The following DERA variants were observed in gnomAD, a reference collection of about 807,000 sequenced individuals.
DERA encodes the protein deoxyribose-phosphate aldolase, also known as 2-deoxy-D-ribose 5-phosphate aldolase.
Under a neutral mutation model 41.1 loss-of-function variants are expected in DERA, and 15 were observed. The ratio of observed to expected loss-of-function variants is 0.37; its 90% CI spans 0.24 to 0.56. DERA has a LOEUF of 0.56. Ranked by LOEUF, DERA falls within the 20% of genes least tolerant of loss-of-function variation. The pLI, the probability that DERA is intolerant of heterozygous loss-of-function variation, is 0.81. For missense variants in DERA, 396 were observed against 403.4 expected (o/e 0.98, Z 0.16); for synonymous variants, 139 against 137.4 (o/e 1.01, Z -0.08).
chr12:15,945,677 T>G (rs927131582), intron 1 of DERA, among the ~76,000 whole-genome samples: 5 of 152,130 alleles, frequency 3.3e-5, no homozygotes, highest in Non-Finnish European at 7.4e-5. Flanking sequence ...TGCAAACAGG[T>G]ACAATTTGAC....
chr12:16,027,102 A>G (rs1331394942), intron 6 of DERA, among the ~76,000 whole-genome samples: 1 of 152,192 alleles, frequency 6.6e-6, no homozygotes, highest in Non-Finnish European at 1.5e-5. Flanking sequence ...CCCATTTATA[A>G]GAAAGCCTCG....
rs941740941 is a variant in DERA, at chr12:15,954,481, C to T, written c.32-2455C>T. Among the ~76,000 whole-genome samples the T allele has an allele frequency of 1.3e-5, 2 of 152,130 alleles. No individual in the cohort carries two copies. Among genetic ancestry groups the T allele is most frequent in the Non-Finnish European group, 2.9e-5 (2 of 68,034 alleles). ...CTCCCAGAGAAGGTGACATTTGAAT[C>T]GACTCTTAAAGGATGAGCAGCAGTT... On this transcript the variant is annotated intron_variant, in intron 1 of 8. Coordinates refer to ENST00000428559, the MANE Select transcript of DERA (RefSeq NM_015954.4). The surrounding 1 kb of genome is among the most constrained non-coding windows in gnomAD (Gnocchi z 4.0).
At position 15,957,348 on chromosome 12, in the gene DERA, T is replaced by A. The variant is rs2136146758; in HGVS notation, c.129+315T>A. On this transcript the variant is annotated intron_variant, in intron 2 of 8. Transcript: ENST00000428559. This position sits in a 1 kb window ranked among gnomAD's most constrained non-coding sequence, Gnocchi z 4.8. ...AGTTTTTTAGACATGCCTTCTTTGG[T>A]TGTCTTCTGTTTTAATTTTAAAGCC... Among the ~76,000 whole-genome samples, 1 of 152,366 alleles carries A rather than the reference T, an allele frequency of 6.6e-6. No homozygotes were observed. The highest frequency in any genetic ancestry group is 1.5e-5 in the Non-Finnish European group (1 of 68,034).
intron 1 of DERA, among the ~76,000 whole-genome samples, chr12:15,912,672 G>C (rs1948173134): frequency 6.6e-6 from 1 of 152,124 alleles, no homozygotes; most frequent in African/African-American, 2.4e-5. Context: ...AGTATAGATA[G>C]TATTAGTATA....
At chr12:15,956,227 T>C (rs1948537304) in intron 1 of DERA, among the ~76,000 whole-genome samples, 1 of 152,192 alleles carries the variant, frequency 6.6e-6, no homozygotes, top group Non-Finnish European at 1.5e-5. Flanking sequence ...ACAGCTAATA[T>C]TTAGACTAGG....
rs922758405 is a variant in DERA, at chr12:15,962,975, T to G, written c.508+28T>G. 8.2e-6 allele frequency: 13 copies of G among 1,594,486 alleles called. No homozygotes were observed. In the African/African-American group the frequency reaches 1.3e-4, roughly 16 times the overall value. On this transcript the variant is annotated intron_variant, in intron 5 of 8. Coordinates refer to ENST00000428559, the MANE Select transcript of DERA (RefSeq NM_015954.4). The stretch of plus-strand genomic sequence containing the variant: ...AGGTGCATGCTTTTACCTAAGAGAG[T>G]TTCACCATTCTTCCCTGGTGAATCA...
intron 1 of DERA, among the ~76,000 whole-genome samples, chr12:15,933,016 C>T (rs1293623940): frequency 6.6e-6 from 1 of 152,154 alleles, no homozygotes; most frequent in Non-Finnish European, 1.5e-5. Context: ...TTTTTCAAGG[C>T]TGAATAGTAT....
At position 15,959,713 on chromosome 12, in the gene DERA, G is replaced by A. The variant is rs962915862; in HGVS notation, c.278-116G>A. 19 of 619,356 alleles carry A rather than the reference G, an allele frequency of 3.1e-5. No individual in the cohort carries two copies. The South Asian group carries it at 4.0e-4, about 13-fold the overall frequency. The allele number at this position is 619,356 out of a possible 1,614,324, so 38.4% of individuals were successfully genotyped here. ...TTTAATTTATTGCAGTATTGTGGGG[G>A]AATTATTTTTTTCTCATTTGATTTT... On this transcript the variant is annotated intron_variant, in intron 3 of 8. Transcript: ENST00000428559. This position sits in a 1 kb window ranked among gnomAD's most constrained non-coding sequence, Gnocchi z 4.5.
At chr12:16,027,303 G>A (rs1379212718) in intron 6 of DERA, among the ~76,000 whole-genome samples, 1 of 152,190 alleles carries the variant, frequency 6.6e-6, no homozygotes, top group Non-Finnish European at 1.5e-5. Flanking sequence ...ACAAGGAAAG[G>A]AAATAAAATG....
Position 15,959,572 on chromosome 12 carries a change from A to C in DERA, c.278-257A>C, listed in dbSNP as rs1172973320. Among the ~76,000 whole-genome samples, 3 of 152,222 alleles carry C rather than the reference A, an allele frequency of 2.0e-5. No individual in the cohort carries two copies. The highest frequency in any genetic ancestry group is 7.2e-5 in the African/African-American group (3 of 41,458). On this transcript the variant is annotated intron_variant, in intron 3 of 8. Transcript: ENST00000428559. This position sits in a 1 kb window ranked among gnomAD's most constrained non-coding sequence, Gnocchi z 4.5. Reference sequence around the variant, plus strand: ...ATTTACTATTTAGACATTTTTAAAAAACAGTACTATGTTAATCTCAAAGAT... The same window carrying C: ...ATTTACTATTTAGACATTTTTAAAACACAGTACTATGTTAATCTCAAAGAT...
intron 1 of DERA, among the ~76,000 whole-genome samples, chr12:15,952,492 G>A (rs748659024): frequency 3.7e-4 from 57 of 152,162 alleles, no homozygotes; most frequent in Admixed American, 2.0e-3. Context: ...GAAACATAAT[G>A]TGAGACATGG....
chr12:15,926,216 G>C (rs1250197901), intron 1 of DERA, among the ~76,000 whole-genome samples: 2 of 151,390 alleles, frequency 1.3e-5, no homozygotes, highest in Non-Finnish European at 2.9e-5. Context: ...TTTTCAAGAT[G>C]AAGTCTTGCT....
At position 16,009,895 on chromosome 12, in the gene DERA, G is replaced by A. The variant is rs1390383424; in HGVS notation, c.638-22647G>A. ...GTAGGTAAAAACCCTAACTTTGGCA[G>A]TATACATGTTAAGAAACTATTTATA... On this transcript the variant is annotated intron_variant, in intron 6 of 8. Transcript: ENST00000428559. The surrounding 1 kb of genome is among the most constrained non-coding windows in gnomAD (Gnocchi z 5.3). Among the ~76,000 whole-genome samples the A allele has an allele frequency of 1.3e-5, 2 of 152,166 alleles. No homozygotes were observed. Among genetic ancestry groups the A allele is most frequent in the Non-Finnish European group, 2.9e-5 (2 of 68,026 alleles).
intron 6 of DERA, among the ~76,000 whole-genome samples, chr12:16,030,013 C>G (rs1949081317): frequency 1.3e-5 from 2 of 148,814 alleles, no homozygotes; most frequent in Admixed American, 6.8e-5. Flanking sequence ...ACCTCCACCT[C>G]CCAGGTTCAA....
chr12:15,963,035 C>T, intron 5 of DERA, 88 bp downstream of exon 5: 1 of 1,491,736 alleles, frequency 6.7e-7, no homozygotes, highest in Non-Finnish European at 9.0e-7. Flanking sequence ...TTTTAGAGGT[C>T]ACTGTTCTAG....
At chr12:16,006,041 A>T (rs1008262478) in intron 6 of DERA, among the ~76,000 whole-genome samples, 5 of 152,236 alleles carry the variant, frequency 3.3e-5, no homozygotes, top group African/African-American at 1.2e-4. Context: ...TAAGCCTATT[A>T]AAAGTTAAGT....
chr12:15,936,427 T>C lies in DERA; in HGVS notation c.32-20509T>C, dbSNP rs578124854. On this transcript the variant is annotated intron_variant, in intron 1 of 8. Coordinates refer to ENST00000428559, the MANE Select transcript of DERA (RefSeq NM_015954.4). The surrounding 1 kb of genome is among the most constrained non-coding windows in gnomAD (Gnocchi z 4.6). Reference sequence around the variant, plus strand: ...TTTTTTCTGCAATATCTTAAAATTATAGACATTTTGGAAAACATTTTACTA... The same window carrying C: ...TTTTTTCTGCAATATCTTAAAATTACAGACATTTTGGAAAACATTTTACTA... Among the ~76,000 whole-genome samples the C allele has an allele frequency of 6.6e-6, 1 of 152,382 alleles. No homozygotes were observed. The highest frequency in any genetic ancestry group is 2.4e-5 in the African/African-American group (1 of 41,592).
In DERA at chr12:16,011,484, A is replaced by G. The variant is rs543142861; in HGVS notation, c.638-21058A>G. ...TGAGTATTGTATCAACGGAGTTTCG[A>G]TTTTGGAGCATTTCAGACGTTCAGA... On this transcript the variant is annotated intron_variant, in intron 6 of 8. Transcript: ENST00000428559. The surrounding 1 kb of genome is among the most constrained non-coding windows in gnomAD (Gnocchi z 4.7). 8.5e-5 allele frequency among the ~76,000 whole-genome samples: 13 copies of G among 152,236 alleles called. No individual in the cohort carries two copies. Among genetic ancestry groups the G allele is most frequent in the Admixed American group, 5.2e-4 (8 of 15,286 alleles).
At position 15,993,364 on chromosome 12, in the gene DERA, A is replaced by G. The variant is rs955899066; in HGVS notation, c.637+10928A>G. Among the ~76,000 whole-genome samples the G allele has an allele frequency of 1.3e-5, 2 of 151,930 alleles. No individual in the cohort carries two copies. The highest frequency in any genetic ancestry group is 2.9e-5 in the Non-Finnish European group (2 of 67,982). ...GTAAAGTAAATGACAATGTCGATTT[A>G]TTTTTCTAAAGATTGTCACAAGTTA... On this transcript the variant is annotated intron_variant, in intron 6 of 8. Coordinates refer to ENST00000428559, the MANE Select transcript of DERA (RefSeq NM_015954.4). The surrounding 1 kb of genome is among the most constrained non-coding windows in gnomAD (Gnocchi z 4.4).
Sources: allele counts gnomAD v4.1 joint callset (sites outside exome capture counted in the v4.1 genomes callset), GRCh38; gene constraint gnomAD v4.1.1; non-coding constraint Gnocchi (gnomAD v3.1); transcripts MANE v1.5; gene names NCBI Gene and HGNC (gene_info 2026-07-23, HGNC 2026-07-21).